Variants in EVI5L observed in about 807,000 individuals in gnomAD.
EVI5L encodes EVI5-like protein.
In EVI5L, 30 loss-of-function variants were observed where a neutral mutation model predicts 106.1. That is an observed-to-expected ratio of 0.28 (90% confidence interval 0.21 to 0.38). EVI5L has a LOEUF of 0.38. EVI5L is among the 10% of genes least tolerant of loss of function. The pLI, the probability that EVI5L is intolerant of heterozygous loss-of-function variation, is 1.00. For missense variants in EVI5L, 809 were observed against 1,098.0 expected, an observed-to-expected ratio of 0.74 and a Z score of 3.72; for synonymous variants, 489 against 483.3, an observed-to-expected ratio of 1.01 and a Z score of -0.15.
chr19:7,863,780 C>T lies in EVI5L; in HGVS notation c.*78C>T. 7.1e-7 allele frequency: 1 copy of T among 1,413,320 alleles called. No homozygotes were observed. The highest frequency in any genetic ancestry group is 9.2e-7 in the Non-Finnish European group (1 of 1,088,878). The allele number at this position is 1,413,320 out of a possible 1,614,324, so 87.5% of individuals were successfully genotyped here. On this transcript the variant is annotated 3_prime_UTR_variant, in exon 20 of 20. Transcript: ENST00000538904. This position sits in a 1 kb window ranked among gnomAD's most constrained non-coding sequence, Gnocchi z 7.7. Reference sequence around the variant, plus strand: ...GGGCAGTCCGCGTTCTGCTCCCCACCTGCCGCACTTGACAAACTACGCGCC... The same window carrying T: ...GGGCAGTCCGCGTTCTGCTCCCCACTTGCCGCACTTGACAAACTACGCGCC...
intron 8 of EVI5L, among the ~76,000 whole-genome samples, chr19:7,852,443 C>A (rs1046544277): frequency 2.6e-5 from 4 of 152,206 alleles, no homozygotes; most frequent in Admixed American, 2.0e-4. Context: ...CCGAGGCCCC[C>A]GGCATACCCA....
intron 4 of EVI5L, 29 bp downstream of exon 4, chr19:7,849,174 G>A: frequency 6.2e-7 from 1 of 1,612,434 alleles, no homozygotes; most frequent in Non-Finnish European, 8.5e-7. Context: ...CGCTCCCTCG[G>A]TCCCAAAGGA....
chr19:7,862,956 A>G lies in EVI5L; in HGVS notation c.1948-16A>G. On this transcript the variant is annotated splice_polypyrimidine_tract_variant and intron_variant, in intron 17 of 19. Transcript: ENST00000538904. ...CCCTGACCCGCCCTCCTTTCCCCCC[A>G]ATCCCCCGACCCCAGAGCAAGGAGG... is the stretch of plus-strand genomic sequence containing the variant. The G allele has an allele frequency of 9.1e-7, 1 of 1,100,650 alleles. No homozygotes were observed. The highest frequency in any genetic ancestry group is 1.3e-6 in the Non-Finnish European group (1 of 770,616). The allele number at this position is 1,100,650 out of a possible 1,614,324, so 68.2% of individuals were successfully genotyped here. A position where few individuals can be genotyped will look rare whatever the true frequency, so the allele number is the denominator to read the frequency against.
rs1001654084 is a variant in EVI5L, at chr19:7,862,143, C to G, written c.1666C>G (p.Arg556Gly). ...TWQAHLARGGRWKESPRKLVV... is the reference protein window; with the variant it reads ...TWQAHLARGGGWKESPRKLVV... ...CCAGGCCCATCTGGCCCGCGGCGGC[C>G]GCTGGAAGGAGTCCCCACGGAAGCT... is the stretch of plus-strand genomic sequence containing the variant. The change falls in exon 16 of 20, where the codon CGC (arginine) becomes GGC (glycine). Residue 556 changes from arginine (R) to glycine (G), a missense_variant. Coordinates refer to ENST00000538904, the MANE Select transcript of EVI5L (RefSeq NM_001159944.3). 6.4e-7 allele frequency: 1 copy of G among 1,572,940 alleles called. No homozygotes were observed. The highest frequency in any genetic ancestry group is 1.9e-5 in the Admixed American group (1 of 53,432).
rs1291492257 is a variant in EVI5L, at chr19:7,856,402, C to T, written c.1200+334C>T. Among the ~76,000 whole-genome samples the T allele has an allele frequency of 2.6e-5, 4 of 152,028 alleles. No homozygotes were observed. Among genetic ancestry groups the T allele is most frequent in the African/African-American group, 9.7e-5 (4 of 41,382 alleles). ...AACTGCCACTTTGATGGACGAGCCC[C>T]GTAATTGGGCCACAAGCCACCCCAC... On this transcript the variant is annotated intron_variant, in intron 11 of 19. Transcript: ENST00000538904. This position sits in a 1 kb window ranked among gnomAD's most constrained non-coding sequence, Gnocchi z 6.6.
At position 7,857,453 on chromosome 19, in the gene EVI5L, G is replaced by A; in HGVS notation, c.1233+329G>A. 1.9e-6 allele frequency: 1 copy of A among 521,274 alleles called. No individual in the cohort carries two copies. Among genetic ancestry groups the A allele is most frequent in the Non-Finnish European group, 3.5e-6 (1 of 286,172 alleles). The allele number at this position is 521,274 out of a possible 1,614,324, so 32.3% of individuals were successfully genotyped here. On this transcript the variant is annotated intron_variant, in intron 12 of 19. Coordinates refer to ENST00000538904, the MANE Select transcript of EVI5L (RefSeq NM_001159944.3). This position sits in a 1 kb window ranked among gnomAD's most constrained non-coding sequence, Gnocchi z 4.5. Reference sequence around the variant, plus strand: ...AAAACCATATTCACATAAGGCCCTGGTGTGTGCAGTGCTGCGGTCACACAC... The same window carrying A: ...AAAACCATATTCACATAAGGCCCTGATGTGTGCAGTGCTGCGGTCACACAC...
intron 6 of EVI5L, among the ~76,000 whole-genome samples, chr19:7,851,085 G>A (rs1405628474): frequency 1.3e-5 from 2 of 152,200 alleles, no homozygotes; most frequent in African/African-American, 4.8e-5. Context: ...CTGGGTCTCA[G>A]GGTGTCTGTG....
Position 7,846,496 on chromosome 19 carries a change from A to T in EVI5L, c.-47A>T, listed in dbSNP as rs1432470135. On this transcript the variant is annotated splice_region_variant and 5_prime_UTR_variant, in exon 2 of 20. Transcript: ENST00000538904. ...GACCACGCATGTCTCTGGCCCCCAG[A>T]CAGAGCTGTGAACCAACCCCGCTCA... is the stretch of plus-strand genomic sequence containing the variant. The T allele has an allele frequency of 6.4e-7, 1 of 1,568,432 alleles. No individual in the cohort carries two copies. The highest frequency in any genetic ancestry group is 8.6e-7 in the Non-Finnish European group (1 of 1,157,160).
rs1979174385 is a variant in EVI5L, at chr19:7,850,229, T to C, written c.753+107T>C. 2 of 1,442,870 alleles carry C rather than the reference T, an allele frequency of 1.4e-6. No individual in the cohort carries two copies. The highest frequency in any genetic ancestry group is 9.2e-7 in the Non-Finnish European group (1 of 1,086,912). The allele number at this position is 1,442,870 out of a possible 1,614,324, so 89.4% of individuals were successfully genotyped here. A position where few individuals can be genotyped will look rare whatever the true frequency, so the allele number is the denominator to read the frequency against. On this transcript the variant is annotated intron_variant, in intron 6 of 19. Coordinates refer to ENST00000538904, the MANE Select transcript of EVI5L (RefSeq NM_001159944.3). The surrounding 1 kb of genome is among the most constrained non-coding windows in gnomAD (Gnocchi z 5.4). Reference sequence around the variant, plus strand: ...AGGGCAGGGCTGGCACCCTAGACCATACCCGGGCACCTCTTGGACTGAAAA... The same window carrying C: ...AGGGCAGGGCTGGCACCCTAGACCACACCCGGGCACCTCTTGGACTGAAAA...
At position 7,861,605 on chromosome 19, in the gene EVI5L, A is replaced by G. The variant is rs1349742367; in HGVS notation, c.1504-273A>G. 3.3e-5 allele frequency among the ~76,000 whole-genome samples: 5 copies of G among 152,258 alleles called. No homozygotes were observed. In the South Asian group the frequency reaches 6.2e-4, roughly 19 times the overall value. On this transcript the variant is annotated intron_variant, in intron 14 of 19. Transcript: ENST00000538904. ...AGGGGATGGATCTCAGACCTCGGGG[A>G]GTCAGTGTGTGCAGCGCGGCGTTTA...
At chr19:7,851,831 A>G in intron 8 of EVI5L, 61 bp downstream of exon 8, 1 of 1,423,412 alleles carries the variant, frequency 7.0e-7, no homozygotes, top group East Asian at 2.6e-5. Flanking sequence ...GAGTCACAGG[A>G]TGCCCTCACA....
At chr19:7,851,637 G>A (rs775713208) in intron 7 of EVI5L, 44 bp from the exon 8 acceptor site, 15 of 1,592,802 alleles carry the variant, frequency 9.4e-6, no homozygotes, top group Non-Finnish European at 1.2e-5. Context: ...TGGAACAGGA[G>A]CCTCCCTGCC....
chr19:7,861,808 G>T lies in EVI5L; in HGVS notation c.1504-70G>T, dbSNP rs531816336. ...AGCTCAGGAGGAAACGTGGCTGGGG[G>T]CGTTTGTCCTGCAGGAAGGGCCATG... On this transcript the variant is annotated intron_variant, in intron 14 of 19. Coordinates refer to ENST00000538904, the MANE Select transcript of EVI5L (RefSeq NM_001159944.3). 6.5e-6 allele frequency: 10 copies of T among 1,530,866 alleles called. No individual in the cohort carries two copies. The East Asian group carries it at 2.5e-4, about 38-fold the overall frequency. 94.8% of individuals were successfully genotyped at this position (1,530,866 alleles called of 1,614,324 possible). A position where few individuals can be genotyped will look rare whatever the true frequency, so the allele number is the denominator to read the frequency against.
intron 1 of EVI5L, among the ~76,000 whole-genome samples, chr19:7,842,777 C>T (rs79312383): frequency 1.4e-4 from 16 of 113,292 alleles, no homozygotes; most frequent in South Asian, 3.1e-4. Flanking sequence ...TATGAGTGTG[C>T]GTGCACAAAT....
rs913238982 is a variant in EVI5L at position 7,845,376 on chromosome 19, C to T, written c.-47-1120C>T. ...TAGCCGTCCCTTTCCTCTAGGGCCC[C>T]CTGCTAGGGGTCCCCTGGCCATCAG... is the stretch of plus-strand genomic sequence containing the variant. On this transcript the variant is annotated intron_variant, in intron 1 of 19. Transcript: ENST00000538904. This position sits in a 1 kb window ranked among gnomAD's most constrained non-coding sequence, Gnocchi z 4.0. Among the ~76,000 whole-genome samples, 4 of 152,244 alleles carry T rather than the reference C, an allele frequency of 2.6e-5. No individual in the cohort carries two copies. Among genetic ancestry groups the T allele is most frequent in the East Asian group, 1.9e-4 (1 of 5,174 alleles).
chr19:7,843,947 G>T (rs1978829839), intron 1 of EVI5L, among the ~76,000 whole-genome samples: 1 of 152,010 alleles, frequency 6.6e-6, no homozygotes, highest in Non-Finnish European at 1.5e-5. Context: ...TTTCAGCCCT[G>T]TGTATTTAAT....
In EVI5L at chr19:7,850,122, G is replaced by C; in HGVS notation, c.753G>C (p.Gln251His). 6.2e-7 allele frequency: 1 copy of C among 1,602,488 alleles called. No individual in the cohort carries two copies. The highest frequency in any genetic ancestry group is 1.1e-5 in the South Asian group (1 of 88,912). ...LCIYQFEYML[Q>H]EQLPDLNTHF... ...TCTATCAGTTCGAGTACATGCTGCA[G>C]GTGAGCAGGGCCGCAGGAGAGCAGG... is the stretch of plus-strand genomic sequence containing the variant. Residue 251 changes from glutamine (Q) to histidine (H), a missense_variant and splice_region_variant, in exon 6 of 20, where the codon CAG becomes CAC. By Grantham distance (24) the Gln-to-His change is conservative (BLOSUM62 0). Around this residue, in one of 2 missense-constraint regions of EVI5L, gnomAD observed 357 missense variants for 588.1 expected, o/e 0.61. Transcript: ENST00000538904. This position sits in a 1 kb window ranked among gnomAD's most constrained non-coding sequence, Gnocchi z 5.4.
intron 1 of EVI5L, among the ~76,000 whole-genome samples, chr19:7,843,514 T>C (rs1599564783): frequency 1.4e-5 from 2 of 145,576 alleles, no homozygotes; most frequent in Non-Finnish European, 3.0e-5. Flanking sequence ...TGTATGAGTG[T>C]GTGTGAGAAT....
intron 10 of EVI5L, among the ~76,000 whole-genome samples, chr19:7,854,293 A>AAAG (rs1555693741): frequency 7.2e-6 from 1 of 138,562 alleles, no homozygotes; most frequent in Non-Finnish European, 1.6e-5. Context: ...AAAAAAAAAA[A>AAAG]AAAAGAAAAG....
Sources: allele counts gnomAD v4.1 joint callset (sites outside exome capture counted in the v4.1 genomes callset), GRCh38; gene constraint gnomAD v4.1.1; regional missense constraint gnomAD v4.1.1; non-coding constraint Gnocchi (gnomAD v3.1); transcripts MANE v1.5; gene names NCBI Gene and HGNC (gene_info 2026-07-23, HGNC 2026-07-21).